MSR1: variants seen among roughly 807,000 people sequenced by gnomAD.
MSR1 encodes the protein macrophage scavenger receptor types I and II.
MSR1 carries 53 observed loss-of-function variants against 47.2 expected under a neutral mutation model. The ratio of observed to expected loss-of-function variants is 1.12; its 90% CI spans 0.90 to 1.41. MSR1 has a LOEUF of 1.41. Among genes scored for constraint, MSR1 ranks in the 40% most tolerant of loss-of-function variants. The probability of loss-of-function intolerance (pLI) is 0.00; values close to 1 mark genes in which losing one functional copy is unlikely to be tolerated. For missense variants in MSR1, 786 were observed against 546.9 expected (o/e 1.44, Z -4.36); for synonymous variants, 239 against 185.6 (o/e 1.29, Z -2.34).
chr8:16,116,659 T>C (rs748782455), intron 9 of MSR1, among the ~76,000 whole-genome samples: 3 of 152,156 alleles, frequency 2.0e-5, no homozygotes, highest in Non-Finnish European at 2.9e-5. Context: ...ACCAGTTCTT[T>C]AGACCAGAAA....
At chr8:16,125,536 C>A (rs535372442) in intron 8 of MSR1, among the ~76,000 whole-genome samples, 2 of 152,066 alleles carry the variant, frequency 1.3e-5, no homozygotes, top group Non-Finnish European at 2.9e-5. Context: ...ATTCTTATGT[C>A]CCATTTCTTT....
At chr8:16,187,552 A>C (rs935169280) in intron 1 of MSR1, among the ~76,000 whole-genome samples, 7 of 151,940 alleles carry the variant, frequency 4.6e-5, no homozygotes, top group Non-Finnish European at 7.4e-5. Context: ...GTCTTCTCTC[A>C]TCCAAGCCAG....
intron 8 of MSR1, among the ~76,000 whole-genome samples, chr8:16,132,780 T>C (rs1033775772): frequency 6.6e-6 from 1 of 152,142 alleles, no homozygotes; most frequent in Non-Finnish European, 1.5e-5. Flanking sequence ...TCTTGCCTGA[T>C]TGCTCTGGCC....
At chr8:16,134,704 G>A (rs898830929) in intron 8 of MSR1, among the ~76,000 whole-genome samples, 2 of 152,130 alleles carry the variant, frequency 1.3e-5, no homozygotes, top group African/African-American at 4.8e-5. Flanking sequence ...TGAGAAAGGC[G>A]GGTTGAAAGT....
intron 1 of MSR1, among the ~76,000 whole-genome samples, chr8:16,188,967 C>CATATATATATATAT (rs200739372): frequency 4.9e-5 from 6 of 122,276 alleles, no homozygotes; most frequent in African/African-American, 1.5e-4. Context: ...AACACACATA[C>CATATATATATATAT]ATATATATAT....
intron 4 of MSR1, among the ~76,000 whole-genome samples, chr8:16,164,645 GA>G (rs1429431023): frequency 6.6e-6 from 1 of 151,894 alleles, no homozygotes; most frequent in Non-Finnish European, 1.5e-5. Context: ...GAATTTGATA[GA>G]TTTATATTGG....
chr8:16,164,234 C>T lies in MSR1; in HGVS notation c.648G>A (p.Glu216=). Residue 216 remains glutamate (E), a synonymous_variant, in exon 5 of 10, where the codon GAG becomes GAA. Coordinates refer to ENST00000262101, the MANE Select transcript of MSR1 (RefSeq NM_138715.3). ...FKQQEEISKL[E]ERVYNVSAEI... ...CTGCTGATACATTGTAAACACGCTC[C>T]TCTAATTTACTGATTTCCTGTAAAA... is the stretch of plus-strand genomic sequence containing the variant. 1 of 1,611,616 alleles carries T rather than the reference C, an allele frequency of 6.2e-7. No individual in the cohort carries two copies. Among genetic ancestry groups the T allele is most frequent in the South Asian group, 1.1e-5 (1 of 91,036 alleles).
intron 8 of MSR1, among the ~76,000 whole-genome samples, chr8:16,131,847 G>GT (rs1800267984): frequency 6.6e-6 from 1 of 152,042 alleles, no homozygotes; most frequent in East Asian, 1.9e-4. Context: ...GTATGTGTCT[G>GT]TTTTTGTACT....
intron 8 of MSR1, among the ~76,000 whole-genome samples, chr8:16,138,256 A>G (rs1038988185): frequency 2.6e-5 from 4 of 152,264 alleles, no homozygotes; most frequent in African/African-American, 9.6e-5. Context: ...TAATTGAGAT[A>G]TTTAGGACAG....
At chr8:16,184,226 T>C (rs1801927487) in intron 1 of MSR1, among the ~76,000 whole-genome samples, 1 of 152,014 alleles carries the variant, frequency 6.6e-6, no homozygotes, top group African/African-American at 2.4e-5. Flanking sequence ...TTATACTTTC[T>C]TTTCACATAA....
chr8:16,189,428 AATC>A, intron 1 of MSR1, among the ~76,000 whole-genome samples: 1 of 89,568 alleles, frequency 1.1e-5, no homozygotes, highest in Non-Finnish European at 1.8e-5. Context: ...ATATATATAA[AATC>A]ATATTTTATA....
chr8:16,139,990 T>G, intron 8 of MSR1: 1 of 542,560 alleles, frequency 1.8e-6, no homozygotes, highest in Non-Finnish European at 2.3e-6. Flanking sequence ...TTTGTCTACA[T>G]CTCTTAGGGA....
At chr8:16,166,670 C>A (rs1294094584) in intron 4 of MSR1, among the ~76,000 whole-genome samples, 1 of 152,082 alleles carries the variant, frequency 6.6e-6, no homozygotes, top group Non-Finnish European at 1.5e-5. Flanking sequence ...CAGTCCTTTT[C>A]ACCTCTATGG....
intron 9 of MSR1, among the ~76,000 whole-genome samples, chr8:16,116,618 T>A (rs1387922495): frequency 2.0e-5 from 3 of 150,560 alleles, no homozygotes; most frequent in African/African-American, 7.3e-5. Flanking sequence ...TTCTTCTTAG[T>A]ATCTCAGTAT....
At chr8:16,184,700 G>A (rs1472983702) in intron 1 of MSR1, among the ~76,000 whole-genome samples, 1 of 152,128 alleles carries the variant, frequency 6.6e-6, no homozygotes, top group Non-Finnish European at 1.5e-5. Context: ...TATTATTAGT[G>A]AGACAATATA....
intron 8 of MSR1, chr8:16,139,462 A>G: frequency 1.0e-6 from 1 of 981,170 alleles, no homozygotes; most frequent in Non-Finnish European, 1.2e-6. Flanking sequence ...ACACAGAGGC[A>G]TACCATCTAG....
intron 5 of MSR1, among the ~76,000 whole-genome samples, chr8:16,163,855 T>G (rs1801228088): frequency 6.6e-6 from 1 of 151,880 alleles, no homozygotes; most frequent in African/African-American, 2.4e-5. Context: ...ATATTTTGCT[T>G]TTCCCTTTCT....
At chr8:16,190,790 T>C (rs1802178106) in intron 1 of MSR1, among the ~76,000 whole-genome samples, 1 of 150,974 alleles carries the variant, frequency 6.6e-6, no homozygotes, top group Non-Finnish European at 1.5e-5. Flanking sequence ...GGCGTGATCT[T>C]GGCTCACCAC....
At chr8:16,164,319 A>G in intron 4 of MSR1, 68 bp from the exon 5 acceptor site, 1 of 1,380,454 alleles carries the variant, frequency 7.2e-7, no homozygotes, top group Non-Finnish European at 1.0e-6. Context: ...AAAGTTCAAG[A>G]AACCCTCGGA....
Sources: allele counts gnomAD v4.1 joint callset (sites outside exome capture counted in the v4.1 genomes callset), GRCh38; gene constraint gnomAD v4.1.1; transcripts MANE v1.5; gene names NCBI Gene and HGNC (gene_info 2026-07-23, HGNC 2026-07-21).